TLL2: variants seen among roughly 807,000 people sequenced by gnomAD.
TLL2 encodes tolloid-like protein 2.
A neutral mutation model predicts 123.0 loss-of-function variants in TLL2; 106 were observed. The ratio of observed to expected loss-of-function variants is 0.86; its 90% CI spans 0.74 to 1.01. TLL2 has a LOEUF of 1.01. TLL2 is among the 50% of genes least tolerant of loss of function. TLL2 has a pLI of 0.00. For missense variants in TLL2, 1,332 were observed against 1,336.7 expected (o/e 1.00, Z 0.06); for synonymous variants, 494 against 516.8 (o/e 0.96, Z 0.60).
chr10:96,438,439 G>T (rs931109923), intron 3 of TLL2, among the ~76,000 whole-genome samples: 1 of 152,278 alleles, frequency 6.6e-6, no homozygotes, highest in Admixed American at 6.5e-5. Flanking sequence ...ATAGAAATGT[G>T]AGCCATTATA....
chr10:96,513,846 C>T lies in TLL2; in HGVS notation c.-161G>A. On this transcript the variant is annotated 5_prime_UTR_variant, in exon 1 of 21. Transcript: ENST00000357947. Reference sequence around the variant, plus strand: ...CGCGGAGCAAGCGGAGCGCGGCGCCCCCTGTCTTCGTCGAGGCAACCGGGA... The same window carrying T: ...CGCGGAGCAAGCGGAGCGCGGCGCCTCCTGTCTTCGTCGAGGCAACCGGGA... The T allele has an allele frequency of 1.3e-6, 1 of 786,222 alleles. No homozygotes were observed. The highest frequency in any genetic ancestry group is 1.8e-6 in the Non-Finnish European group (1 of 548,694). 48.7% of individuals were successfully genotyped at this position (786,222 alleles called of 1,614,324 possible).
intron 19 of TLL2, 61 bp downstream of exon 19, chr10:96,373,535 C>A: frequency 3.3e-6 from 5 of 1,525,128 alleles, no homozygotes; most frequent in Non-Finnish European, 4.5e-6. Context: ...GTGCCTTCAC[C>A]ATTTCTCTGT....
At chr10:96,493,344 G>A (rs1346570929) in intron 1 of TLL2, among the ~76,000 whole-genome samples, 2 of 152,212 alleles carry the variant, frequency 1.3e-5, no homozygotes, top group Non-Finnish European at 2.9e-5. Flanking sequence ...CCTCACAAAG[G>A]GGATGAGTGG....
Position 96,370,220 on chromosome 10 carries a change from C to T in TLL2, c.2758G>A (p.Asp920Asn). The change falls in exon 20 of 21, where the codon GAC (aspartate) becomes AAC (asparagine). Residue 920 changes from aspartate (D) to asparagine (N), a missense_variant. Coordinates refer to ENST00000357947, the MANE Select transcript of TLL2 (RefSeq NM_012465.4). ...DNNYPSEARC[D>N]WVIVAEDGYG... ...CCGTCCTCTGCCACGATCACCCAGTCACAGCGGGCCTCGCTCGGGTAGTTG... is the reference window on the plus strand; with the variant it reads ...CCGTCCTCTGCCACGATCACCCAGTTACAGCGGGCCTCGCTCGGGTAGTTG... The T allele has an allele frequency of 6.2e-7, 1 of 1,614,006 alleles. No individual in the cohort carries two copies. The highest frequency in any genetic ancestry group is 8.5e-7 in the Non-Finnish European group (1 of 1,179,906).
In TLL2 at chr10:96,433,076, G is replaced by C; in HGVS notation, c.365-114C>G. 3 of 1,403,654 alleles carry C rather than the reference G, an allele frequency of 2.1e-6. No individual in the cohort carries two copies. The Admixed American group carries it at 6.2e-5, about 29-fold the overall frequency. The allele number at this position is 1,403,654 out of a possible 1,614,324, so 86.9% of individuals were successfully genotyped here. ...GGGGGTGTTAAAACATGTTCCAAAG[G>C]GGCTATTTCATCAGTTCAGGGTTTG... On this transcript the variant is annotated intron_variant, in intron 3 of 20. Transcript: ENST00000357947.
At chr10:96,469,154 GC>G (rs1184764057) in intron 2 of TLL2, among the ~76,000 whole-genome samples, 1 of 152,224 alleles carries the variant, frequency 6.6e-6, no homozygotes, top group Non-Finnish European at 1.5e-5. Context: ...TGGCTCTGGG[GC>G]CAGCCCTGTC....
At chr10:96,402,051 T>A (rs1846402465) in intron 10 of TLL2, among the ~76,000 whole-genome samples, 1 of 152,214 alleles carries the variant, frequency 6.6e-6, no homozygotes, top group South Asian at 2.1e-4. Flanking sequence ...GGTTTTCTCA[T>A]AAAAGTGTGG....
At chr10:96,402,440 T>G (rs1846405575) in intron 10 of TLL2, among the ~76,000 whole-genome samples, 1 of 152,152 alleles carries the variant, frequency 6.6e-6, no homozygotes, top group Admixed American at 6.5e-5. Context: ...TCCCAGGAGG[T>G]TCTGATGTCC....
intron 3 of TLL2, among the ~76,000 whole-genome samples, chr10:96,440,832 G>T (rs370495999): frequency 9.9e-5 from 15 of 152,182 alleles, no homozygotes; most frequent in Non-Finnish European, 2.1e-4. Flanking sequence ...AGCATTTGCC[G>T]ATTAAAAATA....
intron 7 of TLL2, among the ~76,000 whole-genome samples, chr10:96,419,799 G>A (rs1324414277): frequency 6.6e-6 from 1 of 152,160 alleles, no homozygotes; most frequent in African/African-American, 2.4e-5. Context: ...CTGGCAAACA[G>A]TGTCCCTTTC....
intron 2 of TLL2, among the ~76,000 whole-genome samples, chr10:96,459,457 T>G (rs1454878073): frequency 1.3e-5 from 2 of 151,288 alleles, no homozygotes; most frequent in Non-Finnish European, 2.9e-5. Flanking sequence ...GGCAGGCAGA[T>G]CACTTGAGAT....
intron 2 of TLL2, among the ~76,000 whole-genome samples, chr10:96,475,902 G>A (rs568195717): frequency 4.6e-5 from 7 of 152,178 alleles, no homozygotes; most frequent in African/African-American, 1.4e-4. Flanking sequence ...GATCTGACGG[G>A]TTTAAAAATG....
At chr10:96,396,581 C>CTT (rs1177349566) in intron 11 of TLL2, among the ~76,000 whole-genome samples, 3,360 of 125,356 alleles carry the variant, frequency 0.027, 208 homozygotes, top group African/African-American at 0.096. Flanking sequence ...TTTCCCCTTT[C>CTT]TTTTTTTTTT....
intron 13 of TLL2, among the ~76,000 whole-genome samples, chr10:96,390,234 A>T (rs77703193): frequency 0.026 from 3,989 of 152,342 alleles, 65 homozygotes; most frequent in South Asian, 0.066. Flanking sequence ...AAGTTAAGGA[A>T]AGGGAAGGCA....
intron 16 of TLL2, among the ~76,000 whole-genome samples, chr10:96,381,390 C>A (rs1846186498): frequency 6.6e-6 from 1 of 152,218 alleles, no homozygotes. Flanking sequence ...TCCAACTTGG[C>A]CCATCTCGTG....
intron 15 of TLL2, 88 bp downstream of exon 15, chr10:96,385,967 T>C: frequency 7.4e-7 from 1 of 1,357,758 alleles, no homozygotes; most frequent in East Asian, 2.6e-5. Context: ...ACACAAGCCA[T>C]CTCCCTGCCC....
intron 1 of TLL2, among the ~76,000 whole-genome samples, chr10:96,500,154 A>C (rs1239222896): frequency 4.6e-5 from 7 of 150,904 alleles, no homozygotes; most frequent in South Asian, 4.2e-4. Flanking sequence ...CAAAAAAAAA[A>C]AAAAAATACA....
chr10:96,389,100 A>G (rs11188741), intron 13 of TLL2, among the ~76,000 whole-genome samples: 32,424 of 152,228 alleles, frequency 0.21, 4,343 homozygotes, highest in African/African-American at 0.37. Context: ...AGAAGAAAAT[A>G]GTTGATAAAA....
intron 2 of TLL2, among the ~76,000 whole-genome samples, chr10:96,474,205 G>A (rs778731765): frequency 5.3e-5 from 8 of 152,178 alleles, no homozygotes; most frequent in Non-Finnish European, 8.8e-5. Context: ...CTTTCTTGCC[G>A]CCTTGCCCCC....
Sources: gnomAD v4.1 joint callset for allele counts (sites outside exome capture counted in the v4.1 genomes callset) on GRCh38, gnomAD v4.1.1 for gene constraint, MANE v1.5 for transcripts, NCBI Gene and HGNC (gene_info 2026-07-23, HGNC 2026-07-21) for gene names.